Variants in CUL3 observed in about 807,000 individuals in gnomAD.
The protein encoded by CUL3 is cullin-3.
A neutral mutation model predicts 89.1 loss-of-function variants in CUL3; 19 were observed. That is an observed-to-expected ratio of 0.21 (90% CI 0.15 to 0.31). The LOEUF is 0.31. CUL3 is among the 10% of genes least tolerant of loss of function. The pLI is 1.00. For synonymous variants in CUL3, 351 were observed against 308.4 expected, an observed-to-expected ratio of 1.14 and a Z score of -1.45; for missense variants, 469 against 942.3, an observed-to-expected ratio of 0.50 and a Z score of 6.58.
chr2:224,583,362 C>CA (rs986724216), intron 1 of CUL3, among the ~76,000 whole-genome samples: 24 of 150,450 alleles, frequency 1.6e-4, no homozygotes, highest in East Asian at 3.9e-4. Context: ...ACTCTTGTCT[C>CA]AAAAAAAAAG....
intron 2 of CUL3, chr2:224,556,382 G>A (rs1694708750): frequency 6.6e-6 from 1 of 152,142 alleles, no homozygotes; most frequent in Non-Finnish European, 1.5e-5. Context: ...GCCTCCTGAT[G>A]TGATGCACTG....
At chr2:224,511,606 T>C in intron 5 of CUL3, 24 bp from the exon 6 acceptor site, 1 of 1,301,102 alleles carries the variant, frequency 7.7e-7, no homozygotes, top group Non-Finnish European at 1.1e-6. Context: ...ATATATATAT[T>C]TTTTAAACAT....
At chr2:224,484,626 A>T (rs928543511) in intron 13 of CUL3, among the ~76,000 whole-genome samples, 1 of 152,182 alleles carries the variant, frequency 6.6e-6, no homozygotes, top group Non-Finnish European at 1.5e-5. Flanking sequence ...ATACATTTTT[A>T]AAAAGACATT....
At chr2:224,502,897 G>T (rs905721413) in intron 10 of CUL3, 68 bp downstream of exon 10, 1 of 1,070,376 alleles carries the variant, frequency 9.3e-7, no homozygotes, top group Admixed American at 1.9e-5. Flanking sequence ...CTGCTAAGTG[G>T]ATGAAAATAT....
intron 1 of CUL3, among the ~76,000 whole-genome samples, chr2:224,558,412 T>G (rs1345591956): frequency 3.9e-5 from 6 of 152,182 alleles, no homozygotes; most frequent in Admixed American, 2.6e-4. Flanking sequence ...CCTCACTCTA[T>G]GATTATGACT....
At chr2:224,510,919 CT>C (rs1659138031) in intron 6 of CUL3, among the ~76,000 whole-genome samples, 4 of 152,120 alleles carry the variant, frequency 2.6e-5, no homozygotes, top group Non-Finnish European at 5.9e-5. Flanking sequence ...TTTCAGCACC[CT>C]GTCACAACTA....
chr2:224,541,727 G>A (rs1439410482), intron 2 of CUL3, among the ~76,000 whole-genome samples: 2 of 151,942 alleles, frequency 1.3e-5, no homozygotes, highest in Non-Finnish European at 2.9e-5. Context: ...CCATAAAAGG[G>A]AACAAATTAT....
At chr2:224,478,484 G>T in intron 14 of CUL3, 139 bp from the exon 15 acceptor site, 1 of 645,984 alleles carries the variant, frequency 1.5e-6, no homozygotes, top group South Asian at 2.9e-5. Context: ...ATTCAAGTAC[G>T]CATTCAGAAA....
chr2:224,483,819 T>G lies in CUL3; in HGVS notation c.1843-1741A>C, dbSNP rs1691618967. Among the ~76,000 whole-genome samples the G allele has an allele frequency of 3.3e-5, 5 of 152,214 alleles. No individual in the cohort carries two copies. The South Asian group carries it at 1.0e-3, about 32-fold the overall frequency. On this transcript the variant is annotated intron_variant, in intron 13 of 15. Coordinates refer to ENST00000264414, the MANE Select transcript of CUL3 (RefSeq NM_003590.5). ...TCCAATGTTCTGTTGGTACATGCAT[T>G]TCTGACTTTGAGCACGAAAGCCTGT...
At chr2:224,502,099 G>C (rs1195277658) in intron 10 of CUL3, among the ~76,000 whole-genome samples, 2 of 152,076 alleles carry the variant, frequency 1.3e-5, no homozygotes, top group African/African-American at 2.4e-5. Context: ...ATTTACATTA[G>C]AGTCAGAATG....
chr2:224,576,954 G>A (rs147055410), intron 1 of CUL3, among the ~76,000 whole-genome samples: 3 of 152,246 alleles, frequency 2.0e-5, no homozygotes, highest in Admixed American at 6.5e-5. Flanking sequence ...CATATCCTTT[G>A]AGAATGCTTT....
At chr2:224,526,315 G>A (rs1302139847) in intron 3 of CUL3, among the ~76,000 whole-genome samples, 1 of 152,152 alleles carries the variant, frequency 6.6e-6, no homozygotes, top group African/African-American at 2.4e-5. Context: ...GCTGGGCGCT[G>A]TGGCTCATGC....
At chr2:224,554,601 TTTC>T (rs1244815328) in intron 2 of CUL3, among the ~76,000 whole-genome samples, 1 of 152,178 alleles carries the variant, frequency 6.6e-6, no homozygotes, top group Non-Finnish European at 1.5e-5. Context: ...TGTGCCTTGG[TTTC>T]TTCATTTGTA....
chr2:224,549,810 T>A (rs1284883942), intron 2 of CUL3, among the ~76,000 whole-genome samples: 3 of 152,256 alleles, frequency 2.0e-5, no homozygotes, highest in African/African-American at 7.2e-5. Context: ...TTACTATTTC[T>A]AAATTTAAAA....
intron 2 of CUL3, among the ~76,000 whole-genome samples, chr2:224,539,046 C>T (rs1355380740): frequency 6.8e-6 from 1 of 146,850 alleles, no homozygotes; most frequent in Non-Finnish European, 1.5e-5. Context: ...AAACAAGCCA[C>T]AGACTGGGAG....
rs374895946 is a variant in CUL3, at chr2:224,476,213, C to A, written c.2176-1837G>T. On this transcript the variant is annotated intron_variant, in intron 15 of 15. Coordinates refer to ENST00000264414, the MANE Select transcript of CUL3 (RefSeq NM_003590.5). ...TTGTATTTTCAGTAGGACGGGGTTT[C>A]GCTGTGTTTGTCAGGCTGGTCTTGA... Among the ~76,000 whole-genome samples the A allele has an allele frequency of 2.1e-3, 321 of 152,106 alleles. 4 individuals carry two copies. The highest frequency in any genetic ancestry group is 6.9e-3 in the African/African-American group (288 of 41,512).
At chr2:224,501,167 T>C (rs1412870627) in intron 10 of CUL3, among the ~76,000 whole-genome samples, 1 of 152,174 alleles carries the variant, frequency 6.6e-6, no homozygotes, top group Non-Finnish European at 1.5e-5. Flanking sequence ...ATATCCTTCG[T>C]CTCAGTTTTA....
Position 224,503,730 on chromosome 2 carries a change from T to C in CUL3, c.1299A>G (p.Lys433=). ...TGAGAAGTCTCCTTGCCAAGTGTTG[T>C]TTATAATAACGTTCAAATACATCTT... ...QEKDVFERYY[K]QHLARRLLTN... Residue 433 remains lysine, a synonymous_variant, in exon 9 of 16, where the codon AAA becomes AAG. Transcript: ENST00000264414. The C allele has an allele frequency of 1.2e-6, 2 of 1,609,064 alleles. No homozygotes were observed. The highest frequency in any genetic ancestry group is 1.1e-5 in the South Asian group (1 of 89,514).
At chr2:224,580,056 C>G (rs563383211) in intron 1 of CUL3, among the ~76,000 whole-genome samples, 16 of 152,282 alleles carry the variant, frequency 1.1e-4, no homozygotes, top group East Asian at 3.9e-4. Context: ...CTCCCTGGGG[C>G]AGAATTATTT....
Sources: allele counts gnomAD v4.1 joint callset (sites outside exome capture counted in the v4.1 genomes callset), GRCh38; gene constraint gnomAD v4.1.1; transcripts MANE v1.5; gene names NCBI Gene and HGNC (gene_info 2026-07-23, HGNC 2026-07-21).